SV2C: variants seen among roughly 807,000 people sequenced by gnomAD.
The protein encoded by SV2C is synaptic vesicle glycoprotein 2C.
Under a neutral mutation model 79.7 loss-of-function variants are expected in SV2C, and 49 were observed. That is an observed-to-expected ratio of 0.61 (90% confidence interval 0.49 to 0.78). The LOEUF (loss-of-function observed/expected upper bound fraction) is 0.78, where lower values mean the gene tolerates loss of function less well. Ranked by LOEUF, SV2C falls within the 30% of genes least tolerant of loss-of-function variation. The pLI is 0.00. For synonymous variants in SV2C, 334 were observed against 333.2 expected, an observed-to-expected ratio of 1.00 and a Z score of -0.03; for missense variants, 833 against 912.9, an observed-to-expected ratio of 0.91 and a Z score of 1.13.
intron 4 of SV2C, among the ~76,000 whole-genome samples, chr5:76,233,423 C>G (rs199858746): frequency 7.7e-6 from 1 of 130,010 alleles, no homozygotes; most frequent in Non-Finnish European, 1.5e-5. Context: ...TAATTGAATA[C>G]CCTTTATTTC....
At chr5:76,003,999 T>G in the SV2C span, among the ~76,000 whole-genome samples, 1 of 151,542 alleles carries the variant, frequency 6.6e-6, no homozygotes, top group Admixed American at 6.6e-5. Context: ...GTGGTTCCAG[T>G]GGCTTTTATG....
chr5:76,324,580 A>G (rs1748928008), intron 12 of SV2C, among the ~76,000 whole-genome samples: 1 of 152,176 alleles, frequency 6.6e-6, no homozygotes, highest in Non-Finnish European at 1.5e-5. Flanking sequence ...ATAGTGGCTC[A>G]TGCCTGTAAT....
At chr5:75,872,687 G>A in the SV2C span, among the ~76,000 whole-genome samples, 1 of 152,014 alleles carries the variant, frequency 6.6e-6, no homozygotes. Flanking sequence ...TCATATTAGG[G>A]TCCTACTTTA....
chr5:76,141,456 C>CT (rs1404246831), intron 2 of SV2C, among the ~76,000 whole-genome samples: 1 of 152,174 alleles, frequency 6.6e-6, no homozygotes, highest in Non-Finnish European at 1.5e-5. Context: ...GTCTGAGACT[C>CT]TACCTAAAGT....
At chr5:76,230,260 T>A (rs1745372161) in intron 4 of SV2C, among the ~76,000 whole-genome samples, 1 of 152,230 alleles carries the variant, frequency 6.6e-6, no homozygotes, top group South Asian at 2.1e-4. Flanking sequence ...TTGGCTATGA[T>A]GGCAGTCATG....
At chr5:75,945,970 GA>G in the SV2C span, among the ~76,000 whole-genome samples, 2 of 151,858 alleles carry the variant, frequency 1.3e-5, no homozygotes, top group Non-Finnish European at 2.9e-5. Flanking sequence ...GCTTATGTTA[GA>G]AAAAAGAAAG....
the SV2C span, among the ~76,000 whole-genome samples, chr5:75,955,144 A>G: frequency 6.6e-6 from 1 of 151,284 alleles, no homozygotes; most frequent in Non-Finnish European, 1.5e-5. Context: ...ACTTCAAACT[A>G]TACTACAAGG....
intron 2 of SV2C, among the ~76,000 whole-genome samples, chr5:76,183,600 T>C (rs1743819530): frequency 6.6e-6 from 1 of 152,132 alleles, no homozygotes; most frequent in Non-Finnish European, 1.5e-5. Flanking sequence ...ATCTAGTCTG[T>C]TTTTCAGCTG....
At chr5:76,146,804 A>T (rs1245580488) in intron 2 of SV2C, among the ~76,000 whole-genome samples, 2 of 148,172 alleles carry the variant, frequency 1.3e-5, no homozygotes, top group East Asian at 4.0e-4. Context: ...TTTTAAAAAA[A>T]AAAAAAAAAA....
At chr5:75,956,310 A>C in the SV2C span, among the ~76,000 whole-genome samples, 1 of 145,474 alleles carries the variant, frequency 6.9e-6, no homozygotes, top group Admixed American at 7.0e-5. Flanking sequence ...AAAACCAAAC[A>C]CTGCATATTC....
chr5:76,178,694 G>A (rs531311277), intron 2 of SV2C, among the ~76,000 whole-genome samples: 2 of 152,272 alleles, frequency 1.3e-5, no homozygotes, highest in South Asian at 4.1e-4. Context: ...TTATGAAAAA[G>A]ACATATCATT....
intron 12 of SV2C, among the ~76,000 whole-genome samples, chr5:76,317,433 AC>A (rs200876211): frequency 6.8e-6 from 1 of 146,808 alleles, no homozygotes. Context: ...AAAAAGAACC[AC>A]CCCCCCCAAC....
At chr5:75,901,101 C>T in the SV2C span, among the ~76,000 whole-genome samples, 6 of 152,226 alleles carry the variant, frequency 3.9e-5, no homozygotes, top group African/African-American at 7.2e-5. Flanking sequence ...AGTCATTCTC[C>T]GTCCAGCTTT....
chr5:76,237,597 A>G (rs964358398), intron 4 of SV2C, among the ~76,000 whole-genome samples: 2 of 152,174 alleles, frequency 1.3e-5, no homozygotes, highest in Non-Finnish European at 2.9e-5. Context: ...ATTTCTATAG[A>G]AAAGTTAAAC....
upstream of SV2C, chr5:76,078,947 T>C: frequency 1.9e-6 from 1 of 525,232 alleles, no homozygotes; most frequent in Non-Finnish European, 3.8e-6. Flanking sequence ...TCAAACAATG[T>C]AGAAAAAAGA....
intron 12 of SV2C, among the ~76,000 whole-genome samples, chr5:76,338,988 G>GCACACCTCACAGCCC (rs199665845): frequency 0.047 from 7,196 of 152,044 alleles, 580 homozygotes; most frequent in African/African-American, 0.16. Flanking sequence ...TCAGGCTTGG[G>GCACACCTCACAGCCC]CATTTCTCTT....
the SV2C span, among the ~76,000 whole-genome samples, chr5:75,902,819 G>A: frequency 1.3e-5 from 2 of 152,192 alleles, no homozygotes; most frequent in Non-Finnish European, 2.9e-5. Flanking sequence ...TTAGCATGAT[G>A]AAAAGAGGTA....
chr5:76,186,377 C>A (rs1021833405), intron 2 of SV2C, among the ~76,000 whole-genome samples: 1 of 152,058 alleles, frequency 6.6e-6, no homozygotes, highest in Non-Finnish European at 1.5e-5. Flanking sequence ...GAAAAAATAC[C>A]CAAGACTGAG....
At chr5:76,009,654 A>G in the SV2C span, among the ~76,000 whole-genome samples, 1 of 152,192 alleles carries the variant, frequency 6.6e-6, no homozygotes, top group African/African-American at 2.4e-5. Flanking sequence ...TTAATTCAAG[A>G]AAAGAAAACA....
Sources: allele counts gnomAD v4.1 joint callset (sites outside exome capture counted in the v4.1 genomes callset), GRCh38; gene constraint gnomAD v4.1.1; transcripts MANE v1.5; gene names NCBI Gene and HGNC (gene_info 2026-07-23, HGNC 2026-07-21).